Variants in OR10G9 observed in about 807,000 individuals in gnomAD.
The protein encoded by OR10G9 is olfactory receptor 10G9.
For synonymous variants in OR10G9, 149 were observed against 161.0 expected (o/e 0.93, Z 0.56); for missense variants, 347 against 378.6 (o/e 0.92, Z 0.69).
Position 124,023,816 on chromosome 11 carries a change from T to C in OR10G9, c.804T>C (p.Asp268=). The part of the protein sequence containing the change: ...YLRPGSRDVV[D]GVVAIFYTVL... ...GACCAGGCTCCAGGGACGTCGTGGA[T>C]GGAGTTGTGGCCATTTTCTACACTG... The change falls in exon 1 of 1, where the codon GAT becomes GAC. Residue 268 remains aspartate, a synonymous_variant. Coordinates refer to ENST00000375024, the MANE Select transcript of OR10G9 (RefSeq NM_001001953.1). The C allele has an allele frequency of 6.2e-7, 1 of 1,614,124 alleles. No individual in the cohort carries two copies. Among genetic ancestry groups the C allele is most frequent in the Non-Finnish European group, 8.5e-7 (1 of 1,180,014 alleles).
At position 124,023,402 on chromosome 11, in the gene OR10G9, G is replaced by A. The variant is rs1165136660; in HGVS notation, c.390G>A (p.Arg130=). The A allele has an allele frequency of 2.5e-6, 4 of 1,610,720 alleles. No individual in the cohort carries two copies. The Admixed American group carries it at 5.0e-5, about 20-fold the overall frequency. ...DRYLAISYPL[R]YTSMMSGSRC... is the part of the protein sequence containing the mutation. ...ACTTGGCCATCAGTTACCCGCTCAG[G>A]TACACCAGCATGATGAGTGGGAGCA... The change falls in exon 1 of 1, where the codon AGG becomes AGA. Residue 130 remains arginine, a synonymous_variant. Transcript: ENST00000375024.
Position 124,023,053 on chromosome 11 carries a change from G to T in OR10G9, c.41G>T (p.Gly14Val), listed in dbSNP as rs112688532. Reference protein sequence around the residue: ...TSLVTAFILTGLPHAPGLDAP... With the variant: ...TSLVTAFILTVLPHAPGLDAP... ...CTCGTGACAGCGTTCATCCTCACGGGCCTTCCCCATGCCCCAGGGCTGGAC... is the reference window on the plus strand; with the variant it reads ...CTCGTGACAGCGTTCATCCTCACGGTCCTTCCCCATGCCCCAGGGCTGGAC... The change falls in exon 1 of 1, where the codon GGC (glycine) becomes GTC (valine). Residue 14 changes from glycine (G) to valine (V), a missense_variant. Coordinates refer to ENST00000375024, the MANE Select transcript of OR10G9 (RefSeq NM_001001953.1). The T allele has an allele frequency of 3.7e-6, 6 of 1,613,962 alleles. No individual in the cohort carries two copies. The African/African-American group carries it at 8.0e-5, about 22-fold the overall frequency.
At position 124,023,490 on chromosome 11, in the gene OR10G9, A is replaced by G; in HGVS notation, c.478A>G (p.Ile160Val). Reference sequence around the variant, plus strand: ...CTCTCTGCACTCTGCTGTCCAGACCATATTGACTTTCCATTTGCCCTACTG... The same window carrying G: ...CTCTCTGCACTCTGCTGTCCAGACCGTATTGACTTTCCATTTGCCCTACTG... ...SGSLHSAVQT[I>V]LTFHLPYCGP... is the part of the protein sequence containing the mutation. The change falls in exon 1 of 1, where the codon ATA becomes GTA. Residue 160 changes from isoleucine (I) to valine (V), a missense_variant. By Grantham distance (29) the Ile-to-Val change is conservative. Coordinates refer to ENST00000375024, the MANE Select transcript of OR10G9 (RefSeq NM_001001953.1). The G allele has an allele frequency of 6.2e-7, 1 of 1,613,466 alleles. No homozygotes were observed. The highest frequency in any genetic ancestry group is 8.5e-7 in the Non-Finnish European group (1 of 1,179,782).
In OR10G9 at chr11:124,023,574, T is replaced by C. The variant is rs769516753; in HGVS notation, c.562T>C (p.Cys188Arg). 4 of 1,613,934 alleles carry C rather than the reference T, an allele frequency of 2.5e-6. No individual in the cohort carries two copies. The highest frequency in any genetic ancestry group is 4.5e-5 in the East Asian group (2 of 44,900). ...TGCACCGCCCATCCTGAAACTGGCC[T>C]GTGCAGACACCTCAGCCAACGAGAT... is the stretch of plus-strand genomic sequence containing the variant. The part of the protein sequence containing the change: ...CDAPPILKLA[C>R]ADTSANEMVI... Residue 188 changes from cysteine (C) to arginine (R), a missense_variant, in exon 1 of 1, where the codon TGT becomes CGT. By Grantham distance (180) the Cys-to-Arg change is radical. Coordinates refer to ENST00000375024, the MANE Select transcript of OR10G9 (RefSeq NM_001001953.1).
In OR10G9 at chr11:124,023,334, A is replaced by G. The variant is rs754686000; in HGVS notation, c.322A>G (p.Ser108Gly). 1 of 1,589,166 alleles carries G rather than the reference A, an allele frequency of 6.3e-7. No homozygotes were observed. Among genetic ancestry groups the G allele is most frequent in the Non-Finnish European group, 8.6e-7 (1 of 1,160,404 alleles). Residue 108 changes from serine to glycine, a missense_variant, in exon 1 of 1, where the codon AGC (serine) becomes GGC (glycine). Coordinates refer to ENST00000375024, the MANE Select transcript of OR10G9 (RefSeq NM_001001953.1). ...GCTCTATTTTTTCCACTTCCTGGGG[A>G]GCACCGAGTGTTTCCTCTACACAGT... ...AQLYFFHFLG[S>G]TECFLYTVMS...
chr11:124,023,707 G>C lies in OR10G9; in HGVS notation c.695G>C (p.Gly232Ala), dbSNP rs767983467. 4 of 1,614,102 alleles carry C rather than the reference G, an allele frequency of 2.5e-6. No individual in the cohort carries two copies. Among genetic ancestry groups the C allele is most frequent in the East Asian group, 4.5e-5 (2 of 44,856 alleles). Residue 232 changes from glycine to alanine, a missense_variant, in exon 1 of 1, where the codon GGG becomes GCG. Transcript: ENST00000375024. ...CSILRIHTSEGRHRAFQTCAS... is the reference protein window; with the variant it reads ...CSILRIHTSEARHRAFQTCAS... ...ATCCTGCGGATCCACACCTCAGAGG[G>C]GAGGCACAGAGCCTTTCAGACCTGT...
chr11:124,023,649 A>G lies in OR10G9; in HGVS notation c.637A>G (p.Ile213Val). 1.9e-6 allele frequency: 3 copies of G among 1,614,050 alleles called. No individual in the cohort carries two copies. Among genetic ancestry groups the G allele is most frequent in the South Asian group, 1.1e-5 (1 of 91,062 alleles). ...GLVASGCFLLIVLSYVSIVCS... is the reference protein window; with the variant it reads ...GLVASGCFLLVVLSYVSIVCS... ...AGTGGCCTCGGGCTGCTTTCTCCTG[A>G]TAGTGCTGTCTTATGTGTCCATCGT... Residue 213 changes from isoleucine (I) to valine (V), a missense_variant, in exon 1 of 1, where the codon ATA becomes GTA. Coordinates refer to ENST00000375024, the MANE Select transcript of OR10G9 (RefSeq NM_001001953.1).
rs778309324 is a variant in OR10G9, at chr11:124,023,089, T to A, written c.77T>A (p.Phe26Tyr). The A allele has an allele frequency of 1.1e-5, 17 of 1,613,856 alleles. No individual in the cohort carries two copies. In the African/African-American group the frequency reaches 2.1e-4, roughly 20 times the overall value. Residue 26 changes from phenylalanine to tyrosine, a missense_variant, in exon 1 of 1, where the codon TTT becomes TAT. Physicochemically the swap from Phe to Tyr is conservative, Grantham distance 22. Coordinates refer to ENST00000375024, the MANE Select transcript of OR10G9 (RefSeq NM_001001953.1). ...PHAPGLDAPL[F>Y]GIFLVVYVLT... ...GCCCCAGGGCTGGACGCCCCACTCT[T>A]TGGAATCTTCCTGGTGGTTTACGTG...
Position 124,023,708 on chromosome 11 carries a change from G to T in OR10G9, c.696G>T (p.Gly232=), listed in dbSNP as rs150463109. ...CSILRIHTSE[G]RHRAFQTCAS... ...TCCTGCGGATCCACACCTCAGAGGG[G>T]AGGCACAGAGCCTTTCAGACCTGTG... is the stretch of plus-strand genomic sequence containing the variant. The change falls in exon 1 of 1, where the codon GGG becomes GGT. Residue 232 remains glycine, a synonymous_variant. Transcript: ENST00000375024. 525 of 1,614,134 alleles carry T rather than the reference G, an allele frequency of 3.3e-4. 4 individuals are homozygous for T. The African/African-American group carries it at 6.5e-3, about 20-fold the overall frequency.
Position 124,023,927 on chromosome 11 carries a change from A to G in OR10G9, c.915A>G (p.Val305=), listed in dbSNP as rs772767869. ...KKAVLKLRDK[V]AHSQGE is the part of the protein sequence containing the mutation. The stretch of plus-strand genomic sequence containing the variant: ...CTGTGTTGAAACTGAGAGACAAAGT[A>G]GCACATTCTCAGGGAGAATAAATAC... The change falls in exon 1 of 1, where the codon GTA becomes GTG. Residue 305 remains valine, a synonymous_variant. Coordinates refer to ENST00000375024, the MANE Select transcript of OR10G9 (RefSeq NM_001001953.1). 6 of 1,601,602 alleles carry G rather than the reference A, an allele frequency of 3.7e-6. No individual in the cohort carries two copies. The East Asian group carries it at 1.3e-4, about 36-fold the overall frequency.
Position 124,023,675 on chromosome 11 carries a change from C to T in OR10G9, c.663C>T (p.Val221=). ...TAGTGCTGTCTTATGTGTCCATCGT[C>T]TGTTCCATCCTGCGGATCCACACCT... ...LLIVLSYVSI[V]CSILRIHTSE... is the part of the protein sequence containing the mutation. Residue 221 remains valine (V), a synonymous_variant, in exon 1 of 1, where the codon GTC becomes GTT. Transcript: ENST00000375024. 1 of 1,613,918 alleles carries T rather than the reference C, an allele frequency of 6.2e-7. No homozygotes were observed. The highest frequency in any genetic ancestry group is 8.5e-7 in the Non-Finnish European group (1 of 1,179,984).
rs770645558 is a variant in OR10G9, at chr11:124,023,031, G to C, written c.19G>C (p.Val7Leu). The C allele has an allele frequency of 3.1e-5, 50 of 1,607,938 alleles. No individual in the cohort carries two copies. The Middle Eastern group carries it at 6.6e-4, about 21-fold the overall frequency. MSKTSL[V>L]TAFILTGLPH... ...AGAAGAAATGTCCAAGACCAGCCTC[G>C]TGACAGCGTTCATCCTCACGGGCCT... Residue 7 changes from valine (V) to leucine (L), a missense_variant, in exon 1 of 1, where the codon GTG (valine) becomes CTG (leucine). Physicochemically the swap from Val to Leu is conservative, Grantham distance 32 (BLOSUM62 1). Coordinates refer to ENST00000375024, the MANE Select transcript of OR10G9 (RefSeq NM_001001953.1).
rs2137559009 is a variant in OR10G9, at chr11:124,023,229, A to G, written c.217A>G (p.Thr73Ala). 1 of 1,607,136 alleles carries G rather than the reference A, an allele frequency of 6.2e-7. No individual in the cohort carries two copies. The highest frequency in any genetic ancestry group is 2.2e-5 in the East Asian group (1 of 44,736). Reference protein sequence around the residue: ...NLSFIDMWFSTVTVPKMLMTL... With the variant: ...NLSFIDMWFSAVTVPKMLMTL... Reference sequence around the variant, plus strand: ...GTCCTTCATTGACATGTGGTTCTCCACTGTCACGGTGCCCAAAATGCTGAT... The same window carrying G: ...GTCCTTCATTGACATGTGGTTCTCCGCTGTCACGGTGCCCAAAATGCTGAT... Residue 73 changes from threonine (T) to alanine (A), a missense_variant, in exon 1 of 1, where the codon ACT (threonine) becomes GCT (alanine). By Grantham distance (58) the Thr-to-Ala change is moderately conservative. Coordinates refer to ENST00000375024, the MANE Select transcript of OR10G9 (RefSeq NM_001001953.1).
rs754369948 is a variant in OR10G9 at position 124,023,174 on chromosome 11, C to T, written c.162C>T (p.His54=). 11 of 1,613,304 alleles carry T rather than the reference C, an allele frequency of 6.8e-6. No individual in the cohort carries two copies. Among genetic ancestry groups the T allele is most frequent in the African/African-American group, 2.7e-5 (2 of 74,706 alleles). ...TGATCAGGGTGGATTCTCACCTCCA[C>T]ACCCCCATGTACTACTTCCTCACCA... is the stretch of plus-strand genomic sequence containing the variant. ...LLVIRVDSHL[H]TPMYYFLTNL... Residue 54 remains histidine, a synonymous_variant, in exon 1 of 1, where the codon CAC becomes CAT. Coordinates refer to ENST00000375024, the MANE Select transcript of OR10G9 (RefSeq NM_001001953.1).
In OR10G9 at chr11:124,023,913, CTG is replaced by C. The variant is rs752181578; in HGVS notation, c.902_903del (p.Leu301GlnfsTer?). On this transcript the variant is annotated frameshift_variant, in exon 1 of 1. Transcript: ENST00000375024. LOFTEE classifies it low-confidence loss of function (END_TRUNC). ...NKEVKKAVLK[L>X]RDKVAHSQGE The stretch of plus-strand genomic sequence containing the variant: ...GGAGGTGAAGAAAGCTGTGTTGAAA[CTG>C]AGAGACAAAGTAGCACATTCTCAGG... 4.4e-6 allele frequency: 7 copies of C among 1,607,098 alleles called. No individual in the cohort carries two copies. The highest frequency in any genetic ancestry group is 5.9e-6 in the Non-Finnish European group (7 of 1,177,306).
rs1864080847 is a variant in OR10G9 at position 124,023,459 on chromosome 11, C to T, written c.447C>T (p.Leu149=). 6.2e-7 allele frequency: 1 copy of T among 1,613,354 alleles called. No homozygotes were observed. The highest frequency in any genetic ancestry group is 8.5e-7 in the Non-Finnish European group (1 of 1,179,748). The change falls in exon 1 of 1, where the codon CTC becomes CTT. Residue 149 remains leucine, a synonymous_variant. Transcript: ENST00000375024. ...RCALLATSTW[L]SGSLHSAVQT... ...CCCTCCTGGCCACCAGCACTTGGCT[C>T]AGTGGCTCTCTGCACTCTGCTGTCC...
Position 124,023,618 on chromosome 11 carries a change from T to G in OR10G9, c.606T>G (p.Ile202Met). The stretch of plus-strand genomic sequence containing the variant: ...ACGAGATGGTCATCTTTGTGGACAT[T>G]GGGCTAGTGGCCTCGGGCTGCTTTC... ...SANEMVIFVD[I>M]GLVASGCFLL... Residue 202 changes from isoleucine to methionine, a missense_variant, in exon 1 of 1, where the codon ATT becomes ATG. Physicochemically the swap from Ile to Met is conservative, Grantham distance 10. Coordinates refer to ENST00000375024, the MANE Select transcript of OR10G9 (RefSeq NM_001001953.1). 6.2e-7 allele frequency: 1 copy of G among 1,614,124 alleles called. No homozygotes were observed. Among genetic ancestry groups the G allele is most frequent in the Non-Finnish European group, 8.5e-7 (1 of 1,180,012 alleles).
At position 124,023,551 on chromosome 11, in the gene OR10G9, C is replaced by T. The variant is rs1864082285; in HGVS notation, c.539C>T (p.Ala180Val). Reference sequence around the variant, plus strand: ...CAGATCCAGCACTATTTGTGTGATGCACCGCCCATCCTGAAACTGGCCTGT... The same window carrying T: ...CAGATCCAGCACTATTTGTGTGATGTACCGCCCATCCTGAAACTGGCCTGT... ...PNQIQHYLCD[A>V]PPILKLACAD... Residue 180 changes from alanine to valine, a missense_variant, in exon 1 of 1, where the codon GCA becomes GTA. Transcript: ENST00000375024. 1 of 1,613,986 alleles carries T rather than the reference C, an allele frequency of 6.2e-7. No homozygotes were observed. Among genetic ancestry groups the T allele is most frequent in the Non-Finnish European group, 8.5e-7 (1 of 1,179,886 alleles).
chr11:124,023,729 C>T lies in OR10G9; in HGVS notation c.717C>T (p.Thr239=). Residue 239 remains threonine (T), a synonymous_variant, in exon 1 of 1, where the codon ACC becomes ACT. Coordinates refer to ENST00000375024, the MANE Select transcript of OR10G9 (RefSeq NM_001001953.1). ...TSEGRHRAFQ[T]CASHCIVVLC... is the part of the protein sequence containing the mutation. ...AGGGGAGGCACAGAGCCTTTCAGAC[C>T]TGTGCCTCCCACTGCATCGTGGTCC... 6.2e-7 allele frequency: 1 copy of T among 1,614,134 alleles called. No homozygotes were observed. Among genetic ancestry groups the T allele is most frequent in the Non-Finnish European group, 8.5e-7 (1 of 1,180,016 alleles).
Sources: gnomAD v4.1 joint callset for allele counts on GRCh38, gnomAD v4.1.1 for gene constraint, MANE v1.5 for transcripts, NCBI Gene and HGNC (gene_info 2026-07-23, HGNC 2026-07-21) for gene names.